Variants in GRIK1 observed in about 807,000 individuals in gnomAD.
GRIK1 encodes the protein glutamate ionotropic receptor kainate type subunit 1.
In GRIK1, 69 loss-of-function variants were observed where a neutral mutation model predicts 105.7. The ratio of observed to expected loss-of-function variants is 0.65; its 90% CI spans 0.54 to 0.80. GRIK1 has a LOEUF of 0.80. Among genes scored for constraint, GRIK1 ranks in the 30% least tolerant of loss-of-function variants. The pLI is 0.00. For missense variants in GRIK1, 1,109 were observed against 1,167.3 expected, an observed-to-expected ratio of 0.95 and a Z score of 0.73; for synonymous variants, 438 against 431.3, an observed-to-expected ratio of 1.02 and a Z score of -0.19.
chr21:29,782,669 G>A (rs908876047), intron 1 of GRIK1, among the ~76,000 whole-genome samples: 2 of 152,112 alleles, frequency 1.3e-5, no homozygotes, highest in Non-Finnish European at 2.9e-5. Flanking sequence ...CACATAAAAC[G>A]GGCAAAGATT....
intron 1 of GRIK1, among the ~76,000 whole-genome samples, chr21:29,736,768 C>G (rs2146921388): frequency 6.6e-6 from 1 of 151,130 alleles, no homozygotes; most frequent in Middle Eastern, 3.4e-3. Context: ...ACCTCTGCCT[C>G]CTGGGTTCAA....
At chr21:29,776,176 T>C (rs891316189) in intron 1 of GRIK1, among the ~76,000 whole-genome samples, 4 of 152,152 alleles carry the variant, frequency 2.6e-5, no homozygotes, top group African/African-American at 9.7e-5. Flanking sequence ...ACGAGGTCCC[T>C]CCCTCCACAC....
intron 1 of GRIK1, among the ~76,000 whole-genome samples, chr21:29,927,020 A>G (rs911201033): frequency 2.0e-5 from 3 of 152,196 alleles, no homozygotes; most frequent in Admixed American, 1.3e-4. Flanking sequence ...AGCAGAACAG[A>G]TATTTCAAAC....
chr21:29,646,363 C>G (rs1568928818), intron 6 of GRIK1, among the ~76,000 whole-genome samples: 1 of 152,170 alleles, frequency 6.6e-6, no homozygotes, highest in Non-Finnish European at 1.5e-5. Context: ...TCATGCAACT[C>G]TATTGGGAGA....
Position 29,614,899 on chromosome 21 carries a change from C to A in GRIK1, c.1099-15962G>T, listed in dbSNP as rs577215022. The stretch of plus-strand genomic sequence containing the variant: ...CCAGTACTCTCTCTCCCTAAAAATT[C>A]TCTCCCCCAGTAAATTTTTAGAAAC... On this transcript the variant is annotated intron_variant, in intron 7 of 17. Transcript: ENST00000327783. Among the ~76,000 whole-genome samples, 16 of 151,604 alleles carry A rather than the reference C, an allele frequency of 1.1e-4. No individual in the cohort carries two copies. In the East Asian group the frequency reaches 2.7e-3, roughly 26 times the overall value.
At chr21:29,647,332 T>C (rs994896166) in intron 6 of GRIK1, among the ~76,000 whole-genome samples, 2 of 152,212 alleles carry the variant, frequency 1.3e-5, no homozygotes, top group Non-Finnish European at 2.9e-5. Context: ...TCAGGTCACT[T>C]AGTTAGGAGA....
chr21:29,867,286 C>T (rs1390317120), intron 1 of GRIK1, among the ~76,000 whole-genome samples: 5 of 151,508 alleles, frequency 3.3e-5, no homozygotes, highest in Admixed American at 6.6e-5. Flanking sequence ...GCAAAAGAAG[C>T]GATACGACAG....
At chr21:29,867,450 C>A (rs1350679205) in intron 1 of GRIK1, among the ~76,000 whole-genome samples, 1 of 152,000 alleles carries the variant, frequency 6.6e-6, no homozygotes. Context: ...CTAAGTTACC[C>A]CTAGAAAAGT....
chr21:29,561,515 C>T, intron 15 of GRIK1, 109 bp downstream of exon 15: 1 of 678,024 alleles, frequency 1.5e-6, no homozygotes, highest in South Asian at 1.7e-5. Context: ...TCACTAATGG[C>T]ATTGTAGGCC....
intron 15 of GRIK1, among the ~76,000 whole-genome samples, chr21:29,560,822 G>A (rs559701727): frequency 2.0e-5 from 3 of 151,904 alleles, no homozygotes; most frequent in South Asian, 4.2e-4. Context: ...GGATAGTCTC[G>A]ATCTCCTGAC....
At chr21:29,648,074 A>T (rs1470210050) in intron 6 of GRIK1, among the ~76,000 whole-genome samples, 1 of 152,174 alleles carries the variant, frequency 6.6e-6, no homozygotes, top group East Asian at 1.9e-4. Flanking sequence ...TTTTTAGTGT[A>T]TGAAATTCTA....
At chr21:29,902,794 A>G (rs2070458187) in intron 1 of GRIK1, among the ~76,000 whole-genome samples, 1 of 152,156 alleles carries the variant, frequency 6.6e-6, no homozygotes, top group Non-Finnish European at 1.5e-5. Context: ...TAAACTTCAT[A>G]TGGAACCAAA....
At chr21:29,645,479 C>G (rs954049899) in intron 6 of GRIK1, among the ~76,000 whole-genome samples, 1 of 152,154 alleles carries the variant, frequency 6.6e-6, no homozygotes, top group Admixed American at 6.5e-5. Context: ...GATGGGCATT[C>G]TTTCTCAAGG....
At chr21:29,748,411 A>C (rs1486915462) in intron 1 of GRIK1, 1 of 152,234 alleles carries the variant, frequency 6.6e-6, no homozygotes, top group East Asian at 1.9e-4. Context: ...CTCAGATTTT[A>C]GAGTCTGGAA....
rs1569173996 is a variant in GRIK1 at position 29,867,819 on chromosome 21, T to TGAAAGGAAGAAAGAAA, written c.118+71563_118+71564insTTTCTTTCTTCCTTTC. 3.3e-4 allele frequency among the ~76,000 whole-genome samples: 15 copies of TGAAAGGAAGAAAGAAA among 45,926 alleles called. 1 individual carries two copies. Among genetic ancestry groups the TGAAAGGAAGAAAGAAA allele is most frequent in the African/African-American group, 1.5e-3 (15 of 10,040 alleles). The allele number at this position is 45,926 out of a possible 152,430, so 30.1% of individuals were successfully genotyped here. ...AAAGAAGAAAGAAAGAAAGAAAGAA[T>TGAAAGGAAGAAAGAAA]GAAAGAAAGAAAGAAAGAAAGAAGG... On this transcript the variant is annotated intron_variant, in intron 1 of 17. Coordinates refer to ENST00000327783, the MANE Select transcript of GRIK1 (RefSeq NM_001330994.2).
chr21:29,939,521 T>C lies in GRIK1; in HGVS notation c.-21A>G. On this transcript the variant is annotated 5_prime_UTR_variant, in exon 1 of 18. It removes an upstream start codon present in the reference 5' UTR. Coordinates refer to ENST00000327783, the MANE Select transcript of GRIK1 (RefSeq NM_001330994.2). ...TCCATCTTCCTAGCTTCTTAATTCA[T>C]GCCGAGATACAGCCGCTGCCGGACG... The C allele has an allele frequency of 6.8e-7, 1 of 1,475,350 alleles. No individual in the cohort carries two copies. Among genetic ancestry groups the C allele is most frequent in the Non-Finnish European group, 9.2e-7 (1 of 1,085,022 alleles). The allele number at this position is 1,475,350 out of a possible 1,614,324, so 91.4% of individuals were successfully genotyped here.
chr21:29,583,338 G>A (rs2091062761), intron 12 of GRIK1, among the ~76,000 whole-genome samples: 1 of 152,126 alleles, frequency 6.6e-6, no homozygotes, highest in African/African-American at 2.4e-5. Context: ...AATGGAAACA[G>A]CATGCAGAGT....
intron 14 of GRIK1, among the ~76,000 whole-genome samples, chr21:29,572,756 C>T (rs2090781957): frequency 1.3e-5 from 2 of 151,410 alleles, no homozygotes; most frequent in Non-Finnish European, 2.9e-5. Flanking sequence ...GTATTTAGCT[C>T]AATTGGTCTT....
intron 1 of GRIK1, among the ~76,000 whole-genome samples, chr21:29,883,747 G>GT (rs762133292): frequency 1.3e-5 from 2 of 151,876 alleles, no homozygotes; most frequent in South Asian, 2.1e-4. Context: ...ATATTTATGT[G>GT]TTTTTTCTCA....
Sources: allele counts gnomAD v4.1 joint callset (sites outside exome capture counted in the v4.1 genomes callset), GRCh38; gene constraint gnomAD v4.1.1; transcripts MANE v1.5; gene names NCBI Gene and HGNC (gene_info 2026-07-23, HGNC 2026-07-21).